Variants in MAGI1 observed in about 807,000 individuals in gnomAD.
MAGI1 encodes the protein membrane-associated guanylate kinase, WW and PDZ domain-containing protein 1.
A neutral mutation model predicts 139.9 loss-of-function variants in MAGI1; 58 were observed. The observed-to-expected ratio is 0.41, with a 90% CI of 0.34 to 0.52. MAGI1 has a LOEUF of 0.52. Ranked by LOEUF, MAGI1 falls within the 20% of genes least tolerant of loss-of-function variation. The pLI, the probability that MAGI1 is intolerant of heterozygous loss-of-function variation, is 0.12. For missense variants in MAGI1, 1,874 were observed against 1,901.6 expected (o/e 0.99, Z 0.27); for synonymous variants, 812 against 737.9 (o/e 1.10, Z -1.63).
chr3:65,556,002 G>A (rs1040488787), intron 2 of MAGI1, among the ~76,000 whole-genome samples: 4 of 152,140 alleles, frequency 2.6e-5, no homozygotes, highest in Admixed American at 1.3e-4. Context: ...TTTATGACAC[G>A]TTATGCTTGA....
chr3:65,645,018 G>GAA (rs56743130), intron 1 of MAGI1, among the ~76,000 whole-genome samples: 9 of 141,932 alleles, frequency 6.3e-5, no homozygotes, highest in Non-Finnish European at 9.2e-5. Context: ...TAAAAAGAAA[G>GAA]AAAAAAAAAA....
chr3:65,740,223 G>A (rs1005186083), intron 1 of MAGI1, among the ~76,000 whole-genome samples: 5 of 152,102 alleles, frequency 3.3e-5, no homozygotes, highest in Admixed American at 2.0e-4. Flanking sequence ...TGTCTTTTTG[G>A]TTTTTAAAAC....
chr3:65,885,491 G>C (rs902702924), intron 1 of MAGI1, among the ~76,000 whole-genome samples: 2 of 152,110 alleles, frequency 1.3e-5, no homozygotes, highest in Non-Finnish European at 2.9e-5. Context: ...TGTGTGATAT[G>C]GTTTGGCTGT....
At chr3:65,846,688 C>T (rs1243091314) in intron 1 of MAGI1, among the ~76,000 whole-genome samples, 1 of 152,072 alleles carries the variant, frequency 6.6e-6, no homozygotes, top group African/African-American at 2.4e-5. Flanking sequence ...ATTATTGCCA[C>T]CACAGATGGC....
intron 2 of MAGI1, among the ~76,000 whole-genome samples, chr3:65,519,905 A>T (rs1422797647): frequency 6.6e-6 from 1 of 152,226 alleles, no homozygotes; most frequent in Non-Finnish European, 1.5e-5. Context: ...TAAGGCAGGC[A>T]TGGTGCTGTG....
intron 1 of MAGI1, among the ~76,000 whole-genome samples, chr3:65,867,820 T>G (rs2059783381): frequency 6.6e-6 from 1 of 152,114 alleles, no homozygotes; most frequent in African/African-American, 2.4e-5. Flanking sequence ...CTCCACACCC[T>G]AGCCCCCAAG....
intron 7 of MAGI1, 96 bp from the exon 8 acceptor site, chr3:65,442,945 T>C: frequency 2.4e-6 from 2 of 846,780 alleles, no homozygotes; most frequent in East Asian, 2.4e-5. Flanking sequence ...GAAAGACTCA[T>C]AAAAATGCTT....
At chr3:65,515,824 T>C (rs568345026) in intron 2 of MAGI1, among the ~76,000 whole-genome samples, 1 of 152,280 alleles carries the variant, frequency 6.6e-6, no homozygotes, top group South Asian at 2.1e-4. Flanking sequence ...AGAAAAGGTA[T>C]TGCTATTTTT....
At chr3:65,502,009 T>C (rs1188228405) in intron 2 of MAGI1, among the ~76,000 whole-genome samples, 2 of 152,138 alleles carry the variant, frequency 1.3e-5, no homozygotes, top group East Asian at 3.9e-4. Flanking sequence ...AATCAAGCAG[T>C]GGTTACCAGC....
intron 1 of MAGI1, among the ~76,000 whole-genome samples, chr3:65,983,909 C>T (rs887165967): frequency 1.3e-5 from 2 of 152,156 alleles, no homozygotes; most frequent in African/African-American, 2.4e-5. Context: ...TGAGTTAATG[C>T]ATCTAAAGTA....
intron 12 of MAGI1, among the ~76,000 whole-genome samples, chr3:65,426,062 G>C (rs1947021587): frequency 6.6e-6 from 1 of 152,106 alleles, no homozygotes; most frequent in Non-Finnish European, 1.5e-5. Flanking sequence ...GAGGGAGAAG[G>C]AGTAAGGACA....
intron 1 of MAGI1, among the ~76,000 whole-genome samples, chr3:65,842,023 T>C (rs554847292): frequency 1.3e-5 from 2 of 152,170 alleles, no homozygotes; most frequent in East Asian, 1.9e-4. Context: ...TAAATAAATA[T>C]CAGTTTGAGC....
intron 2 of MAGI1, among the ~76,000 whole-genome samples, chr3:65,613,877 A>G (rs2083239983): frequency 6.6e-6 from 1 of 152,198 alleles, no homozygotes; most frequent in African/African-American, 2.4e-5. Context: ...TAAGGCCTCA[A>G]AGCCTAAAGA....
intron 12 of MAGI1, among the ~76,000 whole-genome samples, chr3:65,408,611 G>T (rs1260425938): frequency 5.3e-5 from 8 of 152,234 alleles, no homozygotes; most frequent in Middle Eastern, 6.8e-3. Context: ...TCAATGGCCG[G>T]CAACCCTTCT....
chr3:65,431,291 T>C (rs945598885), intron 10 of MAGI1, among the ~76,000 whole-genome samples: 1 of 152,168 alleles, frequency 6.6e-6, no homozygotes, highest in African/African-American at 2.4e-5. Flanking sequence ...ATGTGCTGCT[T>C]TGGGCCTGGC....
At chr3:65,401,320 C>T in intron 13 of MAGI1, 119 bp downstream of exon 13, 2 of 1,276,382 alleles carry the variant, frequency 1.6e-6, no homozygotes, top group Non-Finnish European at 2.2e-6. Context: ...GCTCCTGTCT[C>T]CCCCATCCAC....
chr3:65,900,834 T>C (rs2061197901), intron 1 of MAGI1, among the ~76,000 whole-genome samples: 1 of 152,208 alleles, frequency 6.6e-6, no homozygotes, highest in African/African-American at 2.4e-5. Flanking sequence ...TCCCTGGTAT[T>C]TACAATCAGA....
chr3:65,685,535 A>G (rs1419495082), intron 1 of MAGI1, among the ~76,000 whole-genome samples: 1 of 152,234 alleles, frequency 6.6e-6, no homozygotes. Flanking sequence ...TATTACACAC[A>G]ATGTCAAAGA....
intron 14 of MAGI1, among the ~76,000 whole-genome samples, chr3:65,384,584 A>G (rs950826514): frequency 3.3e-5 from 5 of 152,140 alleles, no homozygotes; most frequent in African/African-American, 1.2e-4. Context: ...AAAATAAAAA[A>G]TGAGCCAGGT....
Sources: gnomAD v4.1 joint callset for allele counts (sites outside exome capture counted in the v4.1 genomes callset) on GRCh38, gnomAD v4.1.1 for gene constraint, MANE v1.5 for transcripts, NCBI Gene and HGNC (gene_info 2026-07-23, HGNC 2026-07-21) for gene names.